The following MMP16 variants were observed in gnomAD, a reference collection of about 807,000 sequenced individuals.
MMP16 encodes the protein matrix metalloproteinase-16.
A neutral mutation model predicts 67.8 loss-of-function variants in MMP16; 12 were observed. That is an observed-to-expected ratio of 0.18 (90% CI 0.11 to 0.29). The LOEUF (loss-of-function observed/expected upper bound fraction) is 0.29, where lower values mean the gene tolerates loss of function less well. MMP16 is among the 10% of genes least tolerant of loss of function. The pLI is 1.00. For synonymous variants in MMP16, 249 were observed against 255.9 expected (o/e 0.97, Z 0.26); for missense variants, 475 against 765.7 (o/e 0.62, Z 4.48).
chr8:88,166,041 T>C (rs534161546), intron 4 of MMP16, among the ~76,000 whole-genome samples: 1 of 152,254 alleles, frequency 6.6e-6, no homozygotes, highest in South Asian at 2.1e-4. Context: ...AGTTATTTAT[T>C]ATATTTTTTC....
intron 1 of MMP16, among the ~76,000 whole-genome samples, chr8:88,296,104 A>T (rs1268751185): frequency 6.6e-6 from 1 of 152,168 alleles, no homozygotes; most frequent in Non-Finnish European, 1.5e-5. Flanking sequence ...TGCCACCTCA[A>T]ATTTTCAGGC....
At chr8:88,053,421 G>A (rs1808293991) in intron 8 of MMP16, among the ~76,000 whole-genome samples, 1 of 152,120 alleles carries the variant, frequency 6.6e-6, no homozygotes, top group Non-Finnish European at 1.5e-5. Context: ...TGGATATACT[G>A]CTTTACCTAG....
chr8:88,304,483 G>A (rs1041447287), intron 1 of MMP16, among the ~76,000 whole-genome samples: 4 of 152,070 alleles, frequency 2.6e-5, no homozygotes, highest in Non-Finnish European at 4.4e-5. Flanking sequence ...TCAACCCCAA[G>A]ACACATAATC....
chr8:88,237,887 T>C lies in MMP16; in HGVS notation c.133-40581A>G, dbSNP rs530433220. Among the ~76,000 whole-genome samples the C allele has an allele frequency of 1.9e-4, 29 of 152,276 alleles. No homozygotes were observed. The South Asian group carries it at 4.1e-3, about 22-fold the overall frequency. On this transcript the variant is annotated intron_variant, in intron 1 of 9. Coordinates refer to ENST00000286614, the MANE Select transcript of MMP16 (RefSeq NM_005941.5). The stretch of plus-strand genomic sequence containing the variant: ...GAAATGATTTGTGTGCTTATGGCAA[T>C]ATGAGTCACTATAAGTACTATAGCA...
chr8:88,249,034 G>C (rs1170784971), intron 1 of MMP16, among the ~76,000 whole-genome samples: 1 of 151,818 alleles, frequency 6.6e-6, no homozygotes, highest in Non-Finnish European at 1.5e-5. Context: ...TAAATTAGTT[G>C]GCTGGGGATG....
chr8:88,323,725 G>A (rs1811495036), intron 1 of MMP16, among the ~76,000 whole-genome samples: 1 of 149,542 alleles, frequency 6.7e-6, no homozygotes, highest in Non-Finnish European at 1.5e-5. Context: ...GATATGAGAG[G>A]TATTACTATC....
At chr8:88,228,684 A>G (rs1809809523) in intron 1 of MMP16, among the ~76,000 whole-genome samples, 1 of 152,104 alleles carries the variant, frequency 6.6e-6, no homozygotes. Flanking sequence ...TTACTGATAT[A>G]CAAAGATGTT....
At chr8:88,192,690 T>C (rs1426679731) in intron 2 of MMP16, among the ~76,000 whole-genome samples, 1 of 152,202 alleles carries the variant, frequency 6.6e-6, no homozygotes, top group Non-Finnish European at 1.5e-5. Context: ...TCATAAAACA[T>C]ATTGACAAGC....
At chr8:88,076,471 C>T in intron 6 of MMP16, among the ~76,000 whole-genome samples, 1 of 152,080 alleles carries the variant, frequency 6.6e-6, no homozygotes, top group East Asian at 1.9e-4. Context: ...TATCTCATTC[C>T]AACCAATTTG....
At chr8:88,175,888 A>G (rs1808881573) in intron 3 of MMP16, among the ~76,000 whole-genome samples, 1 of 152,198 alleles carries the variant, frequency 6.6e-6, no homozygotes, top group Admixed American at 6.5e-5. Flanking sequence ...TATTTTATAA[A>G]GAGCACAAGC....
At chr8:88,326,795 T>C (rs539246633) in intron 1 of MMP16, 6 of 341,300 alleles carry the variant, frequency 1.8e-5, no homozygotes, top group African/African-American at 1.2e-4. Context: ...TTGCTATATG[T>C]AGGACTTCTC....
chr8:88,194,634 G>A (rs894035631), intron 2 of MMP16, among the ~76,000 whole-genome samples: 3 of 151,958 alleles, frequency 2.0e-5, no homozygotes, highest in South Asian at 2.1e-4. Context: ...TCTAGTTCAA[G>A]TGACAATGAG....
At chr8:88,232,773 T>C (rs1450505450) in intron 1 of MMP16, among the ~76,000 whole-genome samples, 2 of 152,306 alleles carry the variant, frequency 1.3e-5, no homozygotes. Flanking sequence ...GGACTTTCAA[T>C]GTAAGGTGAC....
intron 1 of MMP16, among the ~76,000 whole-genome samples, chr8:88,262,836 A>C (rs1054864131): frequency 8.3e-6 from 1 of 121,192 alleles, no homozygotes; most frequent in East Asian, 2.2e-4. Context: ...CCCCGTCTCT[A>C]CTAAAAATAC....
chr8:88,307,707 A>G (rs977488193), intron 1 of MMP16, among the ~76,000 whole-genome samples: 1 of 152,024 alleles, frequency 6.6e-6, no homozygotes, highest in Non-Finnish European at 1.5e-5. Flanking sequence ...ACTGCTCTGG[A>G]ACAACTAGAC....
intron 1 of MMP16, among the ~76,000 whole-genome samples, chr8:88,235,775 C>T (rs1809931101): frequency 6.6e-6 from 1 of 152,068 alleles, no homozygotes; most frequent in African/African-American, 2.4e-5. Context: ...GGCCATGCTC[C>T]CTACATACTT....
chr8:88,311,064 T>C (rs910775123), intron 1 of MMP16, among the ~76,000 whole-genome samples: 1 of 152,182 alleles, frequency 6.6e-6, no homozygotes, highest in Non-Finnish European at 1.5e-5. Context: ...ATAATTATAT[T>C]GGATACTTTA....
intron 1 of MMP16, among the ~76,000 whole-genome samples, chr8:88,309,318 C>T (rs551797239): frequency 6.6e-6 from 1 of 151,734 alleles, no homozygotes; most frequent in African/African-American, 2.4e-5. Flanking sequence ...TCTACATGCA[C>T]TGGTAGAAAA....
At chr8:88,075,765 C>G (rs1419706128) in intron 6 of MMP16, among the ~76,000 whole-genome samples, 1 of 152,098 alleles carries the variant, frequency 6.6e-6, no homozygotes, top group Non-Finnish European at 1.5e-5. Context: ...ACTATTTAGA[C>G]AAGTATATAT....
Sources: allele counts gnomAD v4.1 joint callset (sites outside exome capture counted in the v4.1 genomes callset), GRCh38; gene constraint gnomAD v4.1.1; transcripts MANE v1.5; gene names NCBI Gene and HGNC (gene_info 2026-07-23, HGNC 2026-07-21).